The following SASH1 variants were observed in gnomAD, a reference collection of about 807,000 sequenced individuals.
The protein encoded by SASH1 is SAM and SH3 domain-containing protein 1.
A neutral mutation model predicts 125.2 loss-of-function variants in SASH1; 44 were observed. The ratio of observed to expected loss-of-function variants is 0.35; its 90% confidence interval spans 0.28 to 0.45. The LOEUF (loss-of-function observed/expected upper bound fraction) is 0.45. Among genes scored for constraint, SASH1 ranks in the 20% least tolerant of loss-of-function variants. SASH1 has a pLI of 1.00. For synonymous variants in SASH1, 639 were observed against 649.1 expected (o/e 0.98, Z 0.24); for missense variants, 1,426 against 1,614.5 (o/e 0.88, Z 2.00).
At chr6:148,201,774 A>G in the SASH1 span, among the ~76,000 whole-genome samples, 2 of 152,114 alleles carry the variant, frequency 1.3e-5, no homozygotes, top group African/African-American at 4.8e-5. Flanking sequence ...AAACAGCCTG[A>G]GAATAAAGGA....
upstream of SASH1, among the ~76,000 whole-genome samples, chr6:148,269,133 T>C (rs1779003242): frequency 6.6e-6 from 1 of 152,232 alleles, no homozygotes; most frequent in South Asian, 2.1e-4. Context: ...CAGGTTTGTT[T>C]ACATTTGGAA....
At chr6:148,534,274 C>T (rs1293616674) in intron 15 of SASH1, among the ~76,000 whole-genome samples, 2 of 152,204 alleles carry the variant, frequency 1.3e-5, no homozygotes, top group African/African-American at 4.8e-5. Context: ...CAGCTAGCTC[C>T]ACAGGGGCCA....
In SASH1 at chr6:148,514,444, C is replaced by T; in HGVS notation, c.850C>T (p.Pro284Ser). The T allele has an allele frequency of 1.7e-6, 1 of 596,496 alleles. No individual in the cohort carries two copies. The highest frequency in any genetic ancestry group is 2.4e-6 in the Non-Finnish European group (1 of 411,102). The allele number at this position is 596,496 out of a possible 1,614,324, so 37.0% of individuals were successfully genotyped here. ...KLIRVEEMKK[P>S]STEGGEEHVF... ...AATTAGGGTGGAAGAAATGAAAAAACCCAGCACTGAAGGTAAAAAAAAAAA... is the reference window on the plus strand; with the variant it reads ...AATTAGGGTGGAAGAAATGAAAAAATCCAGCACTGAAGGTAAAAAAAAAAA... The change falls in exon 9 of 20, where the codon CCC (proline) becomes TCC (serine). Residue 284 changes from proline (P) to serine (S), a missense_variant. Transcript: ENST00000367467.
intron 2 of SASH1, among the ~76,000 whole-genome samples, chr6:148,411,779 A>G (rs1420460372): frequency 6.6e-6 from 1 of 152,176 alleles, no homozygotes; most frequent in Non-Finnish European, 1.5e-5. Flanking sequence ...CCTGACCTCA[A>G]GTGATCTGCC....
chr6:148,358,617 A>T (rs1782048219), intron 1 of SASH1, among the ~76,000 whole-genome samples: 1 of 152,110 alleles, frequency 6.6e-6, no homozygotes, highest in Non-Finnish European at 1.5e-5. Context: ...CCAGACTCTT[A>T]ACTATCTTTT....
chr6:148,206,068 G>A, the SASH1 span, among the ~76,000 whole-genome samples: 1 of 152,076 alleles, frequency 6.6e-6, no homozygotes, highest in Non-Finnish European at 1.5e-5. Flanking sequence ...CTTTACAAAT[G>A]TCAGCATAAA....
chr6:148,308,647 C>G (rs13204586), intron 1 of SASH1, among the ~76,000 whole-genome samples: 38,892 of 150,220 alleles, frequency 0.26, 5,227 homozygotes, highest in South Asian at 0.34. Flanking sequence ...CCACCCACCT[C>G]GGCCTCCCAA....
chr6:148,204,961 C>T, the SASH1 span, among the ~76,000 whole-genome samples: 1 of 152,142 alleles, frequency 6.6e-6, no homozygotes, highest in African/African-American at 2.4e-5. Flanking sequence ...AGAAGGCTGT[C>T]AGGTGACCCA....
chr6:148,220,492 G>T, the SASH1 span, among the ~76,000 whole-genome samples: 1 of 152,128 alleles, frequency 6.6e-6, no homozygotes, highest in Admixed American at 6.5e-5. Flanking sequence ...TAATTCTAGC[G>T]GGACATATTC....
Position 148,496,314 on chromosome 6 carries a change from T to G in SASH1, c.729+8599T>G, listed in dbSNP as rs906189939. On this transcript the variant is annotated intron_variant, in intron 8 of 19. Transcript: ENST00000367467. The stretch of plus-strand genomic sequence containing the variant: ...AAAAGGGTTCTAATTGGCAAGATGC[T>G]TTTTGGTTTACAGCTAGAAAATGGT... Among the ~76,000 whole-genome samples, 28 of 152,350 alleles carry G rather than the reference T, an allele frequency of 1.8e-4. 2 individuals carry two copies. Among genetic ancestry groups the G allele is most frequent in the Admixed American group, 1.5e-3 (23 of 15,306 alleles).
At chr6:148,277,783 C>A (rs1357517368) in intron 1 of SASH1, among the ~76,000 whole-genome samples, 2 of 151,918 alleles carry the variant, frequency 1.3e-5, no homozygotes, top group Non-Finnish European at 2.9e-5. Context: ...GTGGCGTGAT[C>A]TCAGCTCACT....
intron 8 of SASH1, among the ~76,000 whole-genome samples, chr6:148,507,459 C>T (rs549757216): frequency 4.6e-4 from 70 of 152,276 alleles, no homozygotes; most frequent in African/African-American, 1.6e-3. Flanking sequence ...CAGCCTCTGC[C>T]TCCCGGACTC....
chr6:148,318,040 A>C (rs1015347394), intron 1 of SASH1, among the ~76,000 whole-genome samples: 2 of 152,218 alleles, frequency 1.3e-5, no homozygotes. Context: ...TAGACTGAGA[A>C]TTCATCCCCA....
chr6:148,380,804 G>A (rs1185818656), intron 1 of SASH1, among the ~76,000 whole-genome samples: 1 of 152,098 alleles, frequency 6.6e-6, no homozygotes, highest in Admixed American at 6.6e-5. Flanking sequence ...CTAATATTAA[G>A]CACACAGCTT....
chr6:148,497,763 T>C (rs893034541), intron 8 of SASH1, among the ~76,000 whole-genome samples: 3 of 152,190 alleles, frequency 2.0e-5, no homozygotes, highest in Non-Finnish European at 4.4e-5. Flanking sequence ...ACATAATCAA[T>C]TTATTTTCTA....
chr6:148,426,427 C>T (rs948667498), intron 2 of SASH1, among the ~76,000 whole-genome samples: 1 of 152,084 alleles, frequency 6.6e-6, no homozygotes, highest in African/African-American at 2.4e-5. Flanking sequence ...CCTGCTTCCT[C>T]CAATTGATCC....
chr6:148,318,113 G>C (rs1265403926), intron 1 of SASH1, among the ~76,000 whole-genome samples: 1 of 152,144 alleles, frequency 6.6e-6, no homozygotes, highest in African/African-American at 2.4e-5. Flanking sequence ...TTCTGCCACT[G>C]TCATTCATGG....
At chr6:148,250,170 TA>T in the SASH1 span, among the ~76,000 whole-genome samples, 4 of 152,178 alleles carry the variant, frequency 2.6e-5, no homozygotes, top group Admixed American at 2.0e-4. Context: ...AAGGTGCAGA[TA>T]GGGGGAGGGG....
At chr6:148,237,896 A>G in the SASH1 span, among the ~76,000 whole-genome samples, 3 of 152,106 alleles carry the variant, frequency 2.0e-5, no homozygotes, top group Non-Finnish European at 2.9e-5. Context: ...TTCCTGCTTT[A>G]TGACGGGTCT....
Sources: gnomAD v4.1 joint callset for allele counts (sites outside exome capture counted in the v4.1 genomes callset) on GRCh38, gnomAD v4.1.1 for gene constraint, MANE v1.5 for transcripts, NCBI Gene and HGNC (gene_info 2026-07-23, HGNC 2026-07-21) for gene names.